Variants in MRTFB observed in about 807,000 individuals in gnomAD.
The protein encoded by MRTFB is myocardin-related transcription factor B.
Under a neutral mutation model 104.2 loss-of-function variants are expected in MRTFB, and 29 were observed. That is an observed-to-expected ratio of 0.28 (90% CI 0.21 to 0.38). MRTFB has a LOEUF of 0.38. Among genes scored for constraint, MRTFB ranks in the 10% least tolerant of loss-of-function variants. The pLI is 1.00. For missense variants in MRTFB, 1,270 were observed against 1,341.6 expected (o/e 0.95, Z 0.83); for synonymous variants, 535 against 519.5 (o/e 1.03, Z -0.41).
chr16:14,228,929 AG>A (rs2042135788), intron 8 of MRTFB, among the ~76,000 whole-genome samples: 1 of 152,190 alleles, frequency 6.6e-6, no homozygotes, highest in Non-Finnish European at 1.5e-5. Flanking sequence ...ATGTGGAACC[AG>A]GGGGACATTG....
intron 1 of MRTFB, among the ~76,000 whole-genome samples, chr16:14,073,435 T>TA (rs1488356052): frequency 6.6e-6 from 1 of 152,236 alleles, no homozygotes; most frequent in Non-Finnish European, 1.5e-5. Context: ...ATAGGAATTA[T>TA]AAAAGGAAAT....
the MRTFB span, among the ~76,000 whole-genome samples, chr16:14,010,542 C>T: frequency 2.0e-5 from 3 of 152,236 alleles, 1 homozygote; most frequent in South Asian, 4.1e-4. Context: ...CTCAAGTGAT[C>T]CTCCCACTTC....
intron 1 of MRTFB, among the ~76,000 whole-genome samples, chr16:14,074,734 A>T (rs926072592): frequency 2.0e-5 from 3 of 152,222 alleles, no homozygotes; most frequent in African/African-American, 7.2e-5. Context: ...CAAAAACTTG[A>T]TTCAAAGGGT....
intron 16 of MRTFB, among the ~76,000 whole-genome samples, chr16:14,260,160 T>A (rs1480076532): frequency 6.6e-6 from 1 of 152,146 alleles, no homozygotes; most frequent in Non-Finnish European, 1.5e-5. Flanking sequence ...TCATCAAAAT[T>A]TTATATAAGC....
At chr16:14,012,295 C>CTTTTTTTTTTTTTTT in the MRTFB span, among the ~76,000 whole-genome samples, 2 of 107,922 alleles carry the variant, frequency 1.9e-5, 1 homozygote, top group African/African-American at 8.6e-5. Context: ...CTTTTTCTTT[C>CTTTTTTTTTTTTTTT]TTTCTTTTTT....
In MRTFB at chr16:14,218,967, C is replaced by T. The variant is rs1245544989; in HGVS notation, c.662C>T (p.Pro221Leu). Residue 221 changes from proline (P) to leucine (L), a missense_variant, in exon 8 of 17, where the codon CCA (proline) becomes CTA (leucine). Coordinates refer to ENST00000571589, the MANE Select transcript of MRTFB (RefSeq NM_001308142.2). ...AGTGAGCCAAAAGTTAGTGAATCGC[C>T]ATCTCCTGTGACTACAAACACTCCA... ...SPSEPKVSES[P>L]SPVTTNTPAQ... The T allele has an allele frequency of 6.2e-7, 1 of 1,613,970 alleles. No individual in the cohort carries two copies.
At chr16:14,108,422 C>T (rs908730417) in intron 2 of MRTFB, among the ~76,000 whole-genome samples, 3 of 152,142 alleles carry the variant, frequency 2.0e-5, no homozygotes, top group Non-Finnish European at 2.9e-5. Context: ...CTTGATAGAA[C>T]ATTTCTAAAT....
chr16:14,204,859 T>A (rs896923504), intron 3 of MRTFB, among the ~76,000 whole-genome samples: 5 of 152,240 alleles, frequency 3.3e-5, no homozygotes, highest in Non-Finnish European at 7.3e-5. Flanking sequence ...ATTGGAATAG[T>A]CTTCCTTTTA....
At position 14,247,348 on chromosome 16, in the gene MRTFB, G is replaced by A. The variant is rs115823868; in HGVS notation, c.2088G>A (p.Ser696=). ...VGQAEQQSVV[S]QFYVSSQGQP... is the part of the protein sequence containing the mutation. The stretch of plus-strand genomic sequence containing the variant: ...AGGCAGAGCAGCAGAGTGTCGTCTC[G>A]CAGTTTTATGTGAGTTCCCAGGGAC... The change falls in exon 12 of 17, where the codon TCG becomes TCA. Residue 696 remains serine (S), a synonymous_variant. Coordinates refer to ENST00000571589, the MANE Select transcript of MRTFB (RefSeq NM_001308142.2). 5.8e-5 allele frequency: 94 copies of A among 1,614,168 alleles called. No homozygotes were observed. Among genetic ancestry groups the A allele is most frequent in the Admixed American group, 1.0e-4 (6 of 60,020 alleles).
chr16:14,063,042 C>T, the MRTFB span, among the ~76,000 whole-genome samples: 2 of 152,188 alleles, frequency 1.3e-5, no homozygotes, highest in Admixed American at 6.5e-5. Flanking sequence ...ATATCTTCTC[C>T]GGGGTGCCCG....
chr16:14,066,117 C>T, the MRTFB span, among the ~76,000 whole-genome samples: 1 of 152,148 alleles, frequency 6.6e-6, no homozygotes, highest in Non-Finnish European at 1.5e-5. Context: ...GTGCTTAATA[C>T]ATTTTTTATT....
chr16:14,070,087 C>A (rs1372939734), upstream of MRTFB, among the ~76,000 whole-genome samples: 2 of 152,186 alleles, frequency 1.3e-5, no homozygotes, highest in Admixed American at 6.5e-5. Flanking sequence ...ATCAGGTGGG[C>A]TGGGTAAGCC....
the MRTFB span, among the ~76,000 whole-genome samples, chr16:14,055,400 T>C: frequency 6.6e-6 from 1 of 152,194 alleles, no homozygotes; most frequent in African/African-American, 2.4e-5. Flanking sequence ...TATTACTAAC[T>C]AATCTATCGA....
rs1369514455 is a variant in MRTFB, at chr16:14,264,615, T to C, written c.*3171T>C. The C allele has an allele frequency of 6.6e-6, 1 of 152,226 alleles. No individual in the cohort carries two copies. The highest frequency in any genetic ancestry group is 2.4e-5 in the African/African-American group (1 of 41,464). The allele number at this position is 152,226 out of a possible 1,614,324, so 9.4% of individuals were successfully genotyped here. On this transcript the variant is annotated 3_prime_UTR_variant, in exon 17 of 17. Transcript: ENST00000571589. ...AATATTTTTGTAATTCTAAAAGAGA[T>C]CTTATTTAAATTTCCTTTTTAAAAG...
intron 14 of MRTFB, 45 bp downstream of exon 14, chr16:14,252,068 A>G: frequency 1.3e-6 from 2 of 1,596,764 alleles, no homozygotes; most frequent in Non-Finnish European, 1.7e-6. Flanking sequence ...CCGCAGGGGC[A>G]TCAAATCATT....
chr16:14,124,108 T>G (rs780817893), intron 2 of MRTFB, among the ~76,000 whole-genome samples: 1 of 152,240 alleles, frequency 6.6e-6, no homozygotes, highest in African/African-American at 2.4e-5. Flanking sequence ...TTTTGCACAT[T>G]GATTTTGTAT....
chr16:14,159,088 C>T (rs2038934982), intron 3 of MRTFB, among the ~76,000 whole-genome samples: 1 of 152,004 alleles, frequency 6.6e-6, no homozygotes, highest in African/African-American at 2.4e-5. Context: ...GCCAGGATCA[C>T]ACCACTGCAC....
the MRTFB span, among the ~76,000 whole-genome samples, chr16:14,007,111 C>T: frequency 6.6e-6 from 1 of 152,196 alleles, no homozygotes; most frequent in African/African-American, 2.4e-5. Flanking sequence ...AAGTCAATGG[C>T]TTTCAGTAAA....
At chr16:14,076,387 G>A (rs931320579) in intron 1 of MRTFB, among the ~76,000 whole-genome samples, 3 of 152,132 alleles carry the variant, frequency 2.0e-5, no homozygotes, top group African/African-American at 4.8e-5. Flanking sequence ...TAGAGATGGC[G>A]TTTCTCCATG....
Sources: allele counts gnomAD v4.1 joint callset (sites outside exome capture counted in the v4.1 genomes callset), GRCh38; gene constraint gnomAD v4.1.1; transcripts MANE v1.5; gene names NCBI Gene and HGNC (gene_info 2026-07-23, HGNC 2026-07-21).